Variants in MTCL1 observed in about 807,000 individuals in gnomAD.
The protein encoded by MTCL1 is microtubule cross-linking factor 1.
MTCL1 carries 79 observed loss-of-function variants against 141.4 expected under a neutral mutation model. The observed-to-expected ratio is 0.56, with a 90% CI of 0.47 to 0.67. MTCL1 has a LOEUF of 0.67. MTCL1 is among the 30% of genes least tolerant of loss of function. The probability of loss-of-function intolerance (pLI) is 0.00; values close to 1 mark genes in which losing one functional copy is unlikely to be tolerated. For missense variants in MTCL1, 2,177 were observed against 2,113.9 expected (o/e 1.03, Z -0.59); for synonymous variants, 914 against 875.8 (o/e 1.04, Z -0.77).
chr18:8,801,054 C>T (rs1045486792), intron 10 of MTCL1, among the ~76,000 whole-genome samples: 1 of 152,238 alleles, frequency 6.6e-6, no homozygotes, highest in African/African-American at 2.4e-5. Context: ...GTAGACTCCA[C>T]TTCCCTGGAC....
At chr18:8,789,733 A>C in intron 7 of MTCL1, 1 of 982,920 alleles carries the variant, frequency 1.0e-6, no homozygotes, top group Non-Finnish European at 1.2e-6. Flanking sequence ...GTAAGTGAAC[A>C]AAAAAAGGGT....
At chr18:8,805,755 T>G (rs1249739812) in intron 10 of MTCL1, among the ~76,000 whole-genome samples, 2 of 152,180 alleles carry the variant, frequency 1.3e-5, no homozygotes, top group Non-Finnish European at 2.9e-5. Flanking sequence ...TAACTCTTGC[T>G]TCATACATGC....
rs2076893617 is a variant in MTCL1 at position 8,822,960 on chromosome 18, G to GTTGCAGTGAACCGAGA, written c.3188+1467_3188+1482dup. ...AATTGACCGAACCCGGGAGGCGGAG[G>GTTGCAGTGAACCGAGA]TTGCAGTGAACCGAGATTGCGCCAC... On this transcript the variant is annotated intron_variant, in intron 14 of 16. Coordinates refer to ENST00000359865, the Ensembl canonical transcript of MTCL1. This position sits in a 1 kb window ranked among gnomAD's most constrained non-coding sequence, Gnocchi z 4.6. Among the ~76,000 whole-genome samples, 1 of 151,788 alleles carries GTTGCAGTGAACCGAGA rather than the reference G, an allele frequency of 6.6e-6. No homozygotes were observed. Among genetic ancestry groups the GTTGCAGTGAACCGAGA allele is most frequent in the African/African-American group, 2.4e-5 (1 of 41,294 alleles).
At chr18:8,754,288 C>T (rs2096386500) in intron 4 of MTCL1, among the ~76,000 whole-genome samples, 1 of 152,286 alleles carries the variant, frequency 6.6e-6, no homozygotes, top group Non-Finnish European at 1.5e-5. Flanking sequence ...CCAGGCTGGT[C>T]TCGAACTCCT....
At chr18:8,784,260 G>C in exon 6 of MTCL1, 1 of 1,603,160 alleles carries the variant, frequency 6.2e-7, no homozygotes. Context: ...CCCAGTCCCC[G>C]GGACAGCGAT....
At chr18:8,756,102 A>G (rs1051324882) in intron 4 of MTCL1, among the ~76,000 whole-genome samples, 3 of 152,162 alleles carry the variant, frequency 2.0e-5, no homozygotes, top group Non-Finnish European at 2.9e-5. Context: ...GCACCACTGC[A>G]CTCCAGCCTG....
At position 8,783,716 on chromosome 18, in the gene MTCL1, AC is replaced by A. The variant is rs753016620; in HGVS notation, c.607del (p.Arg203GlyfsTer5). 6.2e-7 allele frequency: 1 copy of A among 1,606,816 alleles called. No individual in the cohort carries two copies. The highest frequency in any genetic ancestry group is 1.3e-5 in the African/African-American group (1 of 74,840). ...GGGGGAAGCAGGCGGGCCCCCCAGC[AC>A]CCGGGAGGCCGAGCTGAAGCTGCGG... On this transcript the variant is annotated frameshift_variant, in exon 6 of 17. Transcript: ENST00000359865. LOFTEE classifies it high-confidence loss of function.
At chr18:8,777,660 TG>T (rs1490944768) in intron 4 of MTCL1, among the ~76,000 whole-genome samples, 172 bp from the exon 4 acceptor site, 2 of 152,226 alleles carry the variant, frequency 1.3e-5, no homozygotes, top group African/African-American at 4.8e-5. Flanking sequence ...ATTTACACAT[TG>T]ATGCTTCTTG....
chr18:8,782,309 C>T (rs2096535351), intron 5 of MTCL1: 2 of 152,228 alleles, frequency 1.3e-5, no homozygotes, highest in South Asian at 2.1e-4. Context: ...GACAGTTTCT[C>T]TGTGTGATGG....
intron 11 of MTCL1, among the ~76,000 whole-genome samples, chr18:8,812,313 G>GAAA (rs1486131236): frequency 6.6e-6 from 1 of 151,632 alleles, no homozygotes; most frequent in East Asian, 1.9e-4. Context: ...GTTTTCATTT[G>GAAA]CTGAAAAGTG....
At chr18:8,756,551 A>G (rs1188641893) in intron 4 of MTCL1, among the ~76,000 whole-genome samples, 3 of 151,746 alleles carry the variant, frequency 2.0e-5, no homozygotes, top group Admixed American at 6.6e-5. Context: ...GTGTATATAT[A>G]TGTATATATA....
intron 4 of MTCL1, among the ~76,000 whole-genome samples, chr18:8,756,399 ATATATG>A (rs2096399220): frequency 3.4e-5 from 5 of 148,990 alleles, no homozygotes; most frequent in Non-Finnish European, 5.9e-5. Context: ...GTATATATGT[ATATATG>A]TGTGTATATG....
chr18:8,783,463 A>G (rs2096539636), intron 5 of MTCL1, 67 bp from the exon 5 acceptor site: 2 of 1,410,238 alleles, frequency 1.4e-6, no homozygotes, highest in East Asian at 2.4e-5. Flanking sequence ...TGTGAGGGGA[A>G]TCATGAAAAA....
At chr18:8,818,606 T>C (rs116002920) in intron 12 of MTCL1, among the ~76,000 whole-genome samples, 1 of 152,374 alleles carries the variant, frequency 6.6e-6, no homozygotes, top group African/African-American at 2.4e-5. Flanking sequence ...AAGAGAGTTT[T>C]AAACATGTTC....
chr18:8,786,116 C>T (rs1568035365), intron 7 of MTCL1, 25 bp downstream of exon 6: 13 of 1,393,682 alleles, frequency 9.3e-6, no homozygotes, highest in South Asian at 6.3e-5. Flanking sequence ...GCAATCCCCC[C>T]CCCCCGCCCT....
At chr18:8,733,603 A>G (rs1038161425) in intron 4 of MTCL1, among the ~76,000 whole-genome samples, 6 of 152,056 alleles carry the variant, frequency 3.9e-5, no homozygotes, top group African/African-American at 1.4e-4. Context: ...ATGGGGTTTC[A>G]CCATGTTGGC....
At chr18:8,778,470 T>G (rs558509393) in intron 5 of MTCL1, among the ~76,000 whole-genome samples, 1 of 152,328 alleles carries the variant, frequency 6.6e-6, no homozygotes, top group African/African-American at 2.4e-5. Context: ...AACAAAGGTG[T>G]TATTGGGATA....
chr18:8,718,548 T>G, exon 3 of MTCL1: 1 of 1,614,188 alleles, frequency 6.2e-7, no homozygotes, highest in Non-Finnish European at 8.5e-7. Flanking sequence ...TGCCGAATCC[T>G]GCAGTACCGT....
intron 4 of MTCL1, among the ~76,000 whole-genome samples, chr18:8,774,583 G>A (rs972749259): frequency 6.6e-6 from 1 of 152,082 alleles, no homozygotes; most frequent in African/African-American, 2.4e-5. Context: ...CACCTCCCGG[G>A]TTCAAGCAAT....
Sources: gnomAD v4.1 joint callset for allele counts (sites outside exome capture counted in the v4.1 genomes callset) on GRCh38, gnomAD v4.1.1 for gene constraint, Gnocchi (gnomAD v3.1) non-coding constraint, MANE v1.5 for transcripts, NCBI Gene and HGNC (gene_info 2026-07-23, HGNC 2026-07-21) for gene names.